TMEM8B: variants seen among roughly 807,000 people sequenced by gnomAD.
TMEM8B encodes nasopharyngeal carcinoma expressed 6.
A neutral mutation model predicts 49.3 loss-of-function variants in TMEM8B; 29 were observed. The ratio of observed to expected loss-of-function variants is 0.59; its 90% CI spans 0.44 to 0.80. TMEM8B has a LOEUF of 0.80. Ranked by LOEUF, TMEM8B falls within the 30% of genes least tolerant of loss-of-function variation. The probability of loss-of-function intolerance (pLI) is 0.00; values close to 1 mark genes in which losing one functional copy is unlikely to be tolerated. For synonymous variants in TMEM8B, 264 were observed against 272.8 expected (o/e 0.97, Z 0.32); for missense variants, 575 against 658.5 (o/e 0.87, Z 1.39).
intron 2 of TMEM8B, 52 bp downstream of exon 2, chr9:35,834,702 C>A (rs73444847): frequency 4.8e-6 from 2 of 415,338 alleles, no homozygotes; most frequent in Admixed American, 4.4e-5. Context: ...TGACCACTTT[C>A]CAGACTAAAG....
Position 35,846,287 on chromosome 9 carries a change from A to G in TMEM8B, c.1759A>G (p.Ser587Gly), listed in dbSNP as rs751099818. ...CCTGGCCGGCTTCCTCCTCTCTGTCAGTGCCACCACCAGGGTTGCCAGGCT... is the reference window on the plus strand; with the variant it reads ...CCTGGCCGGCTTCCTCCTCTCTGTCGGTGCCACCACCAGGGTTGCCAGGCT... ...ESLAGFLLSV[S>G]ATTRVARLRI... The change falls in exon 8 of 13, where the codon AGT (serine) becomes GGT (glycine). Residue 587 changes from serine to glycine, a missense_variant. Coordinates refer to ENST00000643932, the MANE Select transcript of TMEM8B (RefSeq NM_001042590.4). 3.7e-6 allele frequency: 6 copies of G among 1,614,018 alleles called. No individual in the cohort carries two copies. Among genetic ancestry groups the G allele is most frequent in the East Asian group, 2.2e-5 (1 of 44,888 alleles).
rs1419976967 is a variant in TMEM8B, at chr9:35,829,406, C to CGCCCCGCGCTGGCCTGTCCG, written c.-34_-15dup. ...CGGAGCCGCGGGCCAGCTCTGCGAG[C>CGCCCCGCGCTGGCCTGTCCG]GCCCCGCGCTGGCCTGTCCGGCCCC... On this transcript the variant is annotated 5_prime_UTR_variant, in exon 1 of 13. Coordinates refer to ENST00000643932, the MANE Select transcript of TMEM8B (RefSeq NM_001042590.4). The CGCCCCGCGCTGGCCTGTCCG allele has an allele frequency of 1.2e-5, 4 of 344,298 alleles. No homozygotes were observed. The highest frequency in any genetic ancestry group is 8.7e-5 in the African/African-American group (4 of 46,084). 21.3% of individuals were successfully genotyped at this position (344,298 alleles called of 1,614,324 possible).
At chr9:35,838,388 A>G (rs962367643) in intron 3 of TMEM8B, among the ~76,000 whole-genome samples, 1 of 151,756 alleles carries the variant, frequency 6.6e-6, no homozygotes, top group Non-Finnish European at 1.5e-5. Context: ...TGGTTTTCCC[A>G]CTGCCCACTC....
rs1389939910 is a variant in TMEM8B, at chr9:35,862,356, G to A, written c.*8516G>A. ...GAACTATAAGAGCTTTGTTTCTGATGGGGGTGTTGCTGCAGACAGAACTAT... is the reference window on the plus strand; with the variant it reads ...GAACTATAAGAGCTTTGTTTCTGATAGGGGTGTTGCTGCAGACAGAACTAT... On this transcript the variant is annotated 3_prime_UTR_variant, in exon 13 of 13. Coordinates refer to ENST00000643932, the MANE Select transcript of TMEM8B (RefSeq NM_001042590.4). The A allele has an allele frequency of 6.6e-6, 1 of 152,228 alleles. No individual in the cohort carries two copies. The highest frequency in any genetic ancestry group is 2.4e-5 in the African/African-American group (1 of 41,458). The allele number at this position is 152,228 out of a possible 1,614,324, so 9.4% of individuals were successfully genotyped here.
rs199897049 is a variant in TMEM8B at position 35,852,929 on chromosome 9, G to A, written c.2278G>A (p.Val760Ile). The change falls in exon 11 of 13, where the codon GTC becomes ATC. Residue 760 changes from valine to isoleucine, a missense_variant. By Grantham distance (29) the Val-to-Ile change is conservative. Transcript: ENST00000643932. ...CCTGGGCTCCTTAATGTCCGTGTGG[G>A]TCACTGTCATTGCCATGGCTCGTTT... ...DFLGSLMSVW[V>I]TVIAMARLQP... is the part of the protein sequence containing the mutation. 9 of 1,614,102 alleles carry A rather than the reference G, an allele frequency of 5.6e-6. No individual in the cohort carries two copies. The African/African-American group carries it at 1.1e-4, about 19-fold the overall frequency.
At position 35,852,840 on chromosome 9, in the gene TMEM8B, G is replaced by T; in HGVS notation, c.2189G>T (p.Cys730Phe). ...TMFFSTFYHA[C>F]DQPGIVVFCI... is the part of the protein sequence containing the mutation. Reference sequence around the variant, plus strand: ...TTCTTCCTTCAGTTCTATCATGCCTGTGACCAGCCAGGCATCGTGGTTTTC... The same window carrying T: ...TTCTTCCTTCAGTTCTATCATGCCTTTGACCAGCCAGGCATCGTGGTTTTC... Residue 730 changes from cysteine (C) to phenylalanine (F), a missense_variant, in exon 11 of 13, where the codon TGT becomes TTT. Coordinates refer to ENST00000643932, the MANE Select transcript of TMEM8B (RefSeq NM_001042590.4). 6.2e-7 allele frequency: 1 copy of T among 1,614,166 alleles called. No homozygotes were observed. The highest frequency in any genetic ancestry group is 8.5e-7 in the Non-Finnish European group (1 of 1,180,030).
At chr9:35,830,436 G>A (rs1418136459) in intron 1 of TMEM8B, among the ~76,000 whole-genome samples, 1 of 152,194 alleles carries the variant, frequency 6.6e-6, no homozygotes, top group Non-Finnish European at 1.5e-5. Context: ...CCATTATAAT[G>A]AGTTTTCTTC....
Position 35,829,432 on chromosome 9 carries a change from GC to G in TMEM8B, c.-11del. The G allele has an allele frequency of 4.1e-6, 1 of 241,048 alleles. No homozygotes were observed. The highest frequency in any genetic ancestry group is 7.4e-6 in the Non-Finnish European group (1 of 135,570). 14.9% of individuals were successfully genotyped at this position (241,048 alleles called of 1,614,324 possible). A position where few individuals can be genotyped will look rare whatever the true frequency, so the allele number is the denominator to read the frequency against. On this transcript the variant is annotated 5_prime_UTR_variant, in exon 1 of 13. Transcript: ENST00000643932. ...GCCCCGCGCTGGCCTGTCCGGCCCC[GC>G]CCCCGCCCCGGGCCATGGCCCAGCC...
rs138617081 is a variant in TMEM8B, at chr9:35,842,755, G to C, written c.1635+38G>C. On this transcript the variant is annotated intron_variant, in intron 6 of 12. Transcript: ENST00000643932. This position sits in a 1 kb window ranked among gnomAD's most constrained non-coding sequence, Gnocchi z 5.6. ...GAGAGTGGGGAGGTTGCTCTGCCAG[G>C]GAGCTTGAAGGGGAAGGTGTCAGGG... 7.7e-3 allele frequency: 12,031 copies of C among 1,563,830 alleles called. 47 individuals are homozygous for C. The highest frequency in any genetic ancestry group is 9.8e-3 in the Non-Finnish European group (11,339 of 1,152,348).
rs1288764912 is a variant in TMEM8B at position 35,864,087 on chromosome 9, T to A, written c.*10247T>A. ...ATGAGCCCTGGACTGGGAGGGCACG[T>A]CCCAGGTTTGAATCGGGGCCTTTGT... On this transcript the variant is annotated 3_prime_UTR_variant, in exon 13 of 13. Coordinates refer to ENST00000643932, the MANE Select transcript of TMEM8B (RefSeq NM_001042590.4). 2 of 152,208 alleles carry A rather than the reference T, an allele frequency of 1.3e-5. No individual in the cohort carries two copies. The highest frequency in any genetic ancestry group is 1.3e-4 in the Admixed American group (2 of 15,276). 9.4% of individuals were successfully genotyped at this position (152,208 alleles called of 1,614,324 possible).
chr9:35,834,100 G>T (rs1352558505), intron 1 of TMEM8B, among the ~76,000 whole-genome samples: 3 of 150,326 alleles, frequency 2.0e-5, no homozygotes, highest in Non-Finnish European at 4.4e-5. Context: ...TTTTAGGTTT[G>T]GTAAGTGGAG....
intron 1 of TMEM8B, 76 bp downstream of exon 1, chr9:35,830,031 G>C (rs570987209): frequency 1.5e-5 from 6 of 411,854 alleles, no homozygotes; most frequent in Middle Eastern, 6.4e-4. Context: ...AGATTCAGGA[G>C]AGGTGGGACC....
chr9:35,860,814 A>C lies in TMEM8B; in HGVS notation c.*6974A>C, dbSNP rs1280890601. The C allele has an allele frequency of 6.6e-6, 1 of 152,244 alleles. No homozygotes were observed. The highest frequency in any genetic ancestry group is 1.9e-4 in the East Asian group (1 of 5,198). The allele number at this position is 152,244 out of a possible 1,614,324, so 9.4% of individuals were successfully genotyped here. A position where few individuals can be genotyped will look rare whatever the true frequency, so the allele number is the denominator to read the frequency against. On this transcript the variant is annotated 3_prime_UTR_variant, in exon 13 of 13. Transcript: ENST00000643932. ...ATACTGACAATGATGTCACACGAGG[A>C]GGGAAGCCAGGCACGAATCTGGTGG...
At chr9:35,848,100 A>G (rs1332022597) in intron 10 of TMEM8B, among the ~76,000 whole-genome samples, 1 of 152,218 alleles carries the variant, frequency 6.6e-6, no homozygotes, top group Non-Finnish European at 1.5e-5. Context: ...GAAAAATCAT[A>G]GTTCTCATCT....
intron 3 of TMEM8B, among the ~76,000 whole-genome samples, chr9:35,837,784 G>A (rs868829793): frequency 5.3e-5 from 8 of 152,036 alleles, no homozygotes; most frequent in Admixed American, 2.6e-4. Flanking sequence ...CAGCCACTCT[G>A]TCTTGTCCCC....
At chr9:35,830,163 TAC>T (rs1347312189) in intron 1 of TMEM8B, among the ~76,000 whole-genome samples, 1 of 152,142 alleles carries the variant, frequency 6.6e-6, no homozygotes, top group Non-Finnish European at 1.5e-5. Flanking sequence ...GCAGGTGGCT[TAC>T]AGTTTCTAGC....
In TMEM8B at chr9:35,861,764, C is replaced by G. The variant is rs1321457384; in HGVS notation, c.*7924C>G. On this transcript the variant is annotated 3_prime_UTR_variant, in exon 13 of 13. Transcript: ENST00000643932. ...CCCCGGGGGGTGCAATGACCTGTTA[C>G]TGAGGCTGGATGGAGGATGGCATCC... 1 of 152,234 alleles carries G rather than the reference C, an allele frequency of 6.6e-6. No homozygotes were observed. The allele number at this position is 152,234 out of a possible 1,614,324, so 9.4% of individuals were successfully genotyped here. A position where few individuals can be genotyped will look rare whatever the true frequency, so the allele number is the denominator to read the frequency against.
At chr9:35,848,647 G>GC (rs1166572637) in intron 10 of TMEM8B, among the ~76,000 whole-genome samples, 1 of 151,276 alleles carries the variant, frequency 6.6e-6, no homozygotes, top group African/African-American at 2.4e-5. Flanking sequence ...CACATAAAAA[G>GC]CTCCCGGTTT....
In TMEM8B at chr9:35,842,326, T is replaced by C. The variant is rs1831096562; in HGVS notation, c.1310-66T>C. 1.6e-6 allele frequency: 2 copies of C among 1,215,514 alleles called. No individual in the cohort carries two copies. Among genetic ancestry groups the C allele is most frequent in the Non-Finnish European group, 2.2e-6 (2 of 894,506 alleles). 75.3% of individuals were successfully genotyped at this position (1,215,514 alleles called of 1,614,324 possible). A position where few individuals can be genotyped will look rare whatever the true frequency, so the allele number is the denominator to read the frequency against. On this transcript the variant is annotated intron_variant, in intron 5 of 12. Transcript: ENST00000643932. This position sits in a 1 kb window ranked among gnomAD's most constrained non-coding sequence, Gnocchi z 5.6. The stretch of plus-strand genomic sequence containing the variant: ...TGCGAAATCCTGTCTAGCTCAGATG[T>C]GTTTATGAGTAAGTTCAGGACTGTA...
Sources: gnomAD v4.1 joint callset for allele counts (sites outside exome capture counted in the v4.1 genomes callset) on GRCh38, gnomAD v4.1.1 for gene constraint, Gnocchi (gnomAD v3.1) non-coding constraint, MANE v1.5 for transcripts, NCBI Gene and HGNC (gene_info 2026-07-23, HGNC 2026-07-21) for gene names.